DPYSL5: variants seen among roughly 807,000 people sequenced by gnomAD.
DPYSL5 encodes the protein dihydropyrimidinase like 5, also known as dihydropyrimidinase-related protein 5.
DPYSL5 carries 9 observed loss-of-function variants against 58.4 expected under a neutral mutation model. That is an observed-to-expected ratio of 0.15 (90% CI 0.09 to 0.27). The LOEUF (loss-of-function observed/expected upper bound fraction) is 0.27. Ranked by LOEUF, DPYSL5 falls within the 10% of genes least tolerant of loss-of-function variation. DPYSL5 has a pLI of 1.00. For synonymous variants in DPYSL5, 293 were observed against 301.9 expected, an observed-to-expected ratio of 0.97 and a Z score of 0.31; for missense variants, 499 against 770.6, an observed-to-expected ratio of 0.65 and a Z score of 4.17.
intron 1 of DPYSL5, among the ~76,000 whole-genome samples, chr2:26,861,596 G>C (rs1666018047): frequency 6.6e-6 from 1 of 152,166 alleles, no homozygotes; most frequent in Non-Finnish European, 1.5e-5. Context: ...GCCTTCTTTG[G>C]TCTCGGATGA....
In DPYSL5 at chr2:26,932,044, GAAAGGAAAGAAA is replaced by G. The variant is rs1407008720; in HGVS notation, c.714+361_714+372del. 1.4e-4 allele frequency among the ~76,000 whole-genome samples: 6 copies of G among 43,574 alleles called. 1 individual carries two copies. Among genetic ancestry groups the G allele is most frequent in the Admixed American group, 1.1e-3 (3 of 2,854 alleles). The allele number at this position is 43,574 out of a possible 152,430, so 28.6% of individuals were successfully genotyped here. On this transcript the variant is annotated intron_variant, in intron 6 of 12. Coordinates refer to ENST00000288699, the MANE Select transcript of DPYSL5 (RefSeq NM_020134.4). ...AAAAAAAGAAAGAAAAGAAAAGAAA[GAAAGGAAAGAAA>G]GAAAGAAAGAAAGAAAGAAAGAAAG...
chr2:26,937,264 T>C (rs1234405735), intron 8 of DPYSL5, among the ~76,000 whole-genome samples: 1 of 152,160 alleles, frequency 6.6e-6, no homozygotes, highest in Non-Finnish European at 1.5e-5. Context: ...TTAAATTAAT[T>C]CTATTTATTT....
At chr2:26,928,704 T>TACACACACACACACACACAC (rs1553320464) in intron 5 of DPYSL5, among the ~76,000 whole-genome samples, 18 of 62,974 alleles carry the variant, frequency 2.9e-4, no homozygotes, top group African/African-American at 5.7e-4. Context: ...TATATATATA[T>TACACACACACACACACACAC]ACACACACAC....
At chr2:26,929,462 C>T (rs977580067) in intron 5 of DPYSL5, among the ~76,000 whole-genome samples, 1 of 152,166 alleles carries the variant, frequency 6.6e-6, no homozygotes, top group African/African-American at 2.4e-5. Flanking sequence ...GAACTCCTGA[C>T]CTCAAGTGAT....
At chr2:26,863,880 A>G (rs892672301) in intron 1 of DPYSL5, among the ~76,000 whole-genome samples, 1 of 152,214 alleles carries the variant, frequency 6.6e-6, no homozygotes, top group Non-Finnish European at 1.5e-5. Flanking sequence ...AAGAAAATTA[A>G]TGCACTGTCT....
chr2:26,929,252 G>A (rs1457805991), intron 5 of DPYSL5, among the ~76,000 whole-genome samples: 1 of 152,106 alleles, frequency 6.6e-6, no homozygotes, highest in African/African-American at 2.4e-5. Flanking sequence ...TTTATTTTGA[G>A]ATGGAGTCTC....
Position 26,942,462 on chromosome 2 carries a change from T to G in DPYSL5, c.1233-81T>G. ...CAATTCAACCCATAACAACCAGCCT[T>G]TGGGGCTCACCCCTCCCATGGAGCT... On this transcript the variant is annotated intron_variant, in intron 10 of 12. Coordinates refer to ENST00000288699, the MANE Select transcript of DPYSL5 (RefSeq NM_020134.4). The surrounding 1 kb of genome is among the most constrained non-coding windows in gnomAD (Gnocchi z 5.9). 6.8e-7 allele frequency: 1 copy of G among 1,477,844 alleles called. No individual in the cohort carries two copies. Among genetic ancestry groups the G allele is most frequent in the Non-Finnish European group, 9.2e-7 (1 of 1,084,848 alleles). 91.5% of individuals were successfully genotyped at this position (1,477,844 alleles called of 1,614,324 possible).
In DPYSL5 at chr2:26,933,172, C is replaced by A; in HGVS notation, c.715-86C>A. ...AGTGACGCAGGGGGAGGCGCTGGTG[C>A]CAGGGCTGACTTTGCCAGGGTTATT... On this transcript the variant is annotated intron_variant, in intron 6 of 12. Transcript: ENST00000288699. The surrounding 1 kb of genome is among the most constrained non-coding windows in gnomAD (Gnocchi z 4.2). The A allele has an allele frequency of 8.0e-7, 1 of 1,255,142 alleles. No individual in the cohort carries two copies. The highest frequency in any genetic ancestry group is 1.2e-6 in the Non-Finnish European group (1 of 854,264). The allele number at this position is 1,255,142 out of a possible 1,614,324, so 77.8% of individuals were successfully genotyped here. A position where few individuals can be genotyped will look rare whatever the true frequency, so the allele number is the denominator to read the frequency against.
chr2:26,853,295 T>C (rs1212109506), intron 1 of DPYSL5, among the ~76,000 whole-genome samples: 1 of 152,174 alleles, frequency 6.6e-6, no homozygotes, highest in Non-Finnish European at 1.5e-5. Context: ...TCATGTTTGG[T>C]TGATGGCAAA....
chr2:26,907,889 A>G (rs1254575282), intron 2 of DPYSL5, among the ~76,000 whole-genome samples: 1 of 152,234 alleles, frequency 6.6e-6, no homozygotes. Flanking sequence ...GACTAGCCAC[A>G]GAGCCCGCGT....
At chr2:26,876,961 CTTTTTTT>C (rs10707678) in intron 1 of DPYSL5, among the ~76,000 whole-genome samples, 5 of 112,268 alleles carry the variant, frequency 4.5e-5, no homozygotes, top group Non-Finnish European at 9.0e-5. Context: ...TCCACAGCCA[CTTTTTTT>C]TTTTTTTTTT....
chr2:26,907,624 CA>C (rs1350698786), intron 2 of DPYSL5, among the ~76,000 whole-genome samples: 3 of 152,104 alleles, frequency 2.0e-5, no homozygotes, highest in Non-Finnish European at 4.4e-5. Flanking sequence ...ACCCATCCAT[CA>C]GGAAGATGCC....
At chr2:26,899,855 G>A (rs545950) in intron 2 of DPYSL5, among the ~76,000 whole-genome samples, 1,935 of 152,224 alleles carry the variant, frequency 0.013, 47 homozygotes, top group African/African-American at 0.044. Flanking sequence ...GTGGTAGGCC[G>A]ACTCTCCTTG....
intron 1 of DPYSL5, among the ~76,000 whole-genome samples, chr2:26,878,592 T>C (rs1396067435): frequency 6.6e-6 from 1 of 152,234 alleles, no homozygotes; most frequent in Non-Finnish European, 1.5e-5. Context: ...TATCCTTCTA[T>C]GTTTTTTTCT....
intron 2 of DPYSL5, among the ~76,000 whole-genome samples, chr2:26,906,590 A>G (rs1218417209): frequency 6.6e-6 from 1 of 152,066 alleles, no homozygotes; most frequent in East Asian, 1.9e-4. Flanking sequence ...TATTCACAAG[A>G]TCCCTCCCAC....
chr2:26,933,548 T>G lies in DPYSL5; in HGVS notation c.790+215T>G, dbSNP rs4665363. On this transcript the variant is annotated intron_variant, in intron 7 of 12. Transcript: ENST00000288699. The surrounding 1 kb of genome is among the most constrained non-coding windows in gnomAD (Gnocchi z 4.2). The stretch of plus-strand genomic sequence containing the variant: ...GAGCTTTTTCTTCTGCAAATTTGTA[T>G]GCATAACAGCTTTACGGAAGTGTCT... Among the ~76,000 whole-genome samples, 56,778 of 152,144 alleles carry G rather than the reference T, an allele frequency of 0.37. 11,164 individuals carry two copies. Among genetic ancestry groups the G allele is most frequent in the Admixed American group, 0.53 (8,117 of 15,284 alleles).
intron 1 of DPYSL5, among the ~76,000 whole-genome samples, chr2:26,875,377 G>T (rs1663385647): frequency 6.6e-6 from 1 of 152,262 alleles, no homozygotes; most frequent in African/African-American, 2.4e-5. Flanking sequence ...GTAGTGTGGG[G>T]AAGCAAGCAG....
At chr2:26,895,688 T>C (rs1235077018) in intron 1 of DPYSL5, among the ~76,000 whole-genome samples, 1 of 152,086 alleles carries the variant, frequency 6.6e-6, no homozygotes, top group Admixed American at 6.6e-5. Context: ...TGAAATTTTG[T>C]ATCTTTTCAC....
intron 12 of DPYSL5, among the ~76,000 whole-genome samples, chr2:26,946,300 CCT>C (rs1227645489): frequency 6.6e-6 from 1 of 152,220 alleles, no homozygotes; most frequent in East Asian, 1.9e-4. Flanking sequence ...CCTGTCCCCT[CCT>C]CTCTACCCCA....
Sources: allele counts gnomAD v4.1 joint callset (sites outside exome capture counted in the v4.1 genomes callset), GRCh38; gene constraint gnomAD v4.1.1; non-coding constraint Gnocchi (gnomAD v3.1); transcripts MANE v1.5; gene names NCBI Gene and HGNC (gene_info 2026-07-23, HGNC 2026-07-21).